USP7: variants seen among roughly 807,000 people sequenced by gnomAD.
USP7 encodes ubiquitin C-terminal hydrolase 7.
Under a neutral mutation model 162.9 loss-of-function variants are expected in USP7, and 9 were observed. That is an observed-to-expected ratio of 0.06 (90% CI 0.03 to 0.10). The LOEUF (loss-of-function observed/expected upper bound fraction) is 0.10, where lower values mean the gene tolerates loss of function less well. Among genes scored for constraint, USP7 ranks in the 10% least tolerant of loss-of-function variants. USP7 has a pLI of 1.00. For synonymous variants in USP7, 562 were observed against 475.9 expected, an observed-to-expected ratio of 1.18 and a Z score of -2.35; for missense variants, 715 against 1,373.7, an observed-to-expected ratio of 0.52 and a Z score of 7.58.
At chr16:8,916,041 A>G (rs1436008794) in intron 8 of USP7, among the ~76,000 whole-genome samples, 1 of 152,180 alleles carries the variant, frequency 6.6e-6, no homozygotes, top group African/African-American at 2.4e-5. Flanking sequence ...CAACTGGAAG[A>G]ATGAGGATTT....
At chr16:8,948,117 C>A (rs934268119) in intron 1 of USP7, among the ~76,000 whole-genome samples, 2 of 152,220 alleles carry the variant, frequency 1.3e-5, no homozygotes, top group African/African-American at 4.8e-5. Context: ...GAGCTCCCAC[C>A]ACTGTGGCCT....
At chr16:8,936,861 G>A in intron 1 of USP7, 1 of 800,892 alleles carries the variant, frequency 1.2e-6, no homozygotes, top group Non-Finnish European at 1.6e-6. Context: ...TCTGACTTTG[G>A]TTAACAACAT....
rs949214124 is a variant in USP7 at position 8,906,328 on chromosome 16, C to T, written c.1428+98G>A. The T allele has an allele frequency of 5.3e-5, 74 of 1,404,332 alleles. No homozygotes were observed. In the African/African-American group the frequency reaches 1.0e-3, roughly 19 times the overall value. 87.0% of individuals were successfully genotyped at this position (1,404,332 alleles called of 1,614,324 possible). ...GAGAATACATAGATCAGTTAGGGGT[C>T]CCTGACAAGGTTCCGAGTAGGAACC... On this transcript the variant is annotated intron_variant, in intron 13 of 30. Transcript: ENST00000344836.
chr16:8,933,577 T>C (rs1898501534), intron 1 of USP7, among the ~76,000 whole-genome samples: 1 of 152,164 alleles, frequency 6.6e-6, no homozygotes. Flanking sequence ...ATGTAGTTTC[T>C]TCACTGTATA....
At chr16:8,951,658 C>T (rs1401043160) in intron 1 of USP7, among the ~76,000 whole-genome samples, 3 of 152,198 alleles carry the variant, frequency 2.0e-5, no homozygotes, top group Non-Finnish European at 2.9e-5. Flanking sequence ...ATCTAGAGAC[C>T]TGGGTATGCT....
intron 1 of USP7, among the ~76,000 whole-genome samples, chr16:8,950,360 G>A (rs1217290926): frequency 6.6e-6 from 1 of 152,044 alleles, no homozygotes; most frequent in Non-Finnish European, 1.5e-5. Context: ...GATTAAAACA[G>A]TATTTTAAGA....
intron 4 of USP7, among the ~76,000 whole-genome samples, chr16:8,920,791 T>C (rs1276869654): frequency 1.3e-5 from 2 of 152,180 alleles, no homozygotes; most frequent in Non-Finnish European, 2.9e-5. Context: ...CTAAGATTGT[T>C]CCACTGGTTA....
At chr16:8,914,108 T>C (rs958788470) in intron 10 of USP7, among the ~76,000 whole-genome samples, 1 of 152,052 alleles carries the variant, frequency 6.6e-6, no homozygotes, top group African/African-American at 2.4e-5. Flanking sequence ...AAGAAGCCAA[T>C]ACTAAAATTG....
chr16:8,956,766 A>T (rs1899822906), intron 1 of USP7, among the ~76,000 whole-genome samples: 1 of 132,988 alleles, frequency 7.5e-6, no homozygotes, highest in East Asian at 2.3e-4. Context: ...TCGTATTAAA[A>T]AAACAAAAAC....
intron 1 of USP7, among the ~76,000 whole-genome samples, chr16:8,944,798 C>T (rs1899203140): frequency 6.6e-6 from 1 of 152,154 alleles, no homozygotes; most frequent in Non-Finnish European, 1.5e-5. Flanking sequence ...AAACTAGCGT[C>T]AAAGGTATTT....
chr16:8,917,280 GT>G, intron 6 of USP7, 124 bp from the exon 7 acceptor site: 1 of 1,200,940 alleles, frequency 8.3e-7, no homozygotes, highest in Non-Finnish European at 1.1e-6. Context: ...TAAGGTTGTT[GT>G]TAGGGCTTTT....
At position 8,895,623 on chromosome 16, in the gene USP7, C is replaced by A; in HGVS notation, c.2919+19G>T. The A allele has an allele frequency of 6.3e-7, 1 of 1,590,912 alleles. No homozygotes were observed. Among genetic ancestry groups the A allele is most frequent in the Non-Finnish European group, 8.6e-7 (1 of 1,161,680 alleles). ...GCTCATGAATTCTCTCTGGTGCCAA[C>A]AGTATCGGGGACAGATACCTCTATT... is the stretch of plus-strand genomic sequence containing the variant. On this transcript the variant is annotated intron_variant, in intron 27 of 30. Transcript: ENST00000344836.
chr16:8,931,027 G>A (rs939486630), intron 1 of USP7, among the ~76,000 whole-genome samples: 19 of 151,288 alleles, frequency 1.3e-4, no homozygotes, highest in African/African-American at 2.7e-4. Flanking sequence ...GCTAATCAGC[G>A]TAAAGAACCT....
chr16:8,904,188 C>T (rs757323028), intron 15 of USP7, among the ~76,000 whole-genome samples: 2 of 152,228 alleles, frequency 1.3e-5, no homozygotes, highest in African/African-American at 2.4e-5. Flanking sequence ...TCAGGAACTA[C>T]TCTGGGACTG....
At chr16:8,954,829 G>T (rs1899718557) in intron 1 of USP7, among the ~76,000 whole-genome samples, 1 of 152,112 alleles carries the variant, frequency 6.6e-6, no homozygotes, top group Non-Finnish European at 1.5e-5. Flanking sequence ...GTGCGGTGAG[G>T]GGCGCCTGTA....
At chr16:8,917,936 C>G (rs1485158878) in intron 6 of USP7, among the ~76,000 whole-genome samples, 1 of 152,108 alleles carries the variant, frequency 6.6e-6, no homozygotes, top group Non-Finnish European at 1.5e-5. Flanking sequence ...ACTACAGGTG[C>G]ACGCCGCCAT....
At chr16:8,930,704 C>T (rs192571072) in intron 1 of USP7, among the ~76,000 whole-genome samples, 119 of 152,310 alleles carry the variant, frequency 7.8e-4, no homozygotes, top group African/African-American at 2.8e-3. Flanking sequence ...CATGGTGGCT[C>T]ATGCCTGTAA....
chr16:8,963,056 T>TCCC, intron 1 of USP7, 151 bp downstream of exon 1: 2 of 249,888 alleles, frequency 8.0e-6, no homozygotes, highest in Non-Finnish European at 1.0e-5. Context: ...CTTTGCAGCC[T>TCCC]CGCAGGCCGG....
At chr16:8,905,083 A>G (rs961729254) in intron 14 of USP7, 104 bp downstream of exon 14, 19 of 1,417,374 alleles carry the variant, frequency 1.3e-5, no homozygotes, top group African/African-American at 2.8e-5. Context: ...ATACAATGGA[A>G]TAAGCATAAA....
Sources: gnomAD v4.1 joint callset for allele counts (sites outside exome capture counted in the v4.1 genomes callset) on GRCh38, gnomAD v4.1.1 for gene constraint, MANE v1.5 for transcripts, NCBI Gene and HGNC (gene_info 2026-07-23, HGNC 2026-07-21) for gene names.